Variants in BRINP1 observed in about 807,000 individuals in gnomAD.
BRINP1 encodes BMP/retinoic acid-inducible neural-specific protein 1.
In BRINP1, 17 loss-of-function variants were observed where a neutral mutation model predicts 72.9. The ratio of observed to expected loss-of-function variants is 0.23; its 90% CI spans 0.16 to 0.35. The LOEUF (loss-of-function observed/expected upper bound fraction) is 0.35. BRINP1 is among the 10% of genes least tolerant of loss of function. The probability of loss-of-function intolerance (pLI) is 1.00; values close to 1 mark genes in which losing one functional copy is unlikely to be tolerated. For synonymous variants in BRINP1, 418 were observed against 378.5 expected, an observed-to-expected ratio of 1.10 and a Z score of -1.21; for missense variants, 850 against 1,001.6, an observed-to-expected ratio of 0.85 and a Z score of 2.04.
intron 7 of BRINP1, among the ~76,000 whole-genome samples, chr9:119,194,594 G>T (rs1390567862): frequency 2.0e-5 from 3 of 152,190 alleles, no homozygotes; most frequent in Non-Finnish European, 2.9e-5. Flanking sequence ...AGTGTGAGAA[G>T]GACTCCATGC....
chr9:119,241,423 T>C (rs370466920), intron 4 of BRINP1, among the ~76,000 whole-genome samples: 4 of 152,272 alleles, frequency 2.6e-5, no homozygotes, highest in East Asian at 3.9e-4. Context: ...AACAGCAGGG[T>C]TGAGTAATAG....
intron 2 of BRINP1, among the ~76,000 whole-genome samples, chr9:119,286,215 G>C (rs1830759355): frequency 6.6e-6 from 1 of 151,222 alleles, no homozygotes; most frequent in African/African-American, 2.4e-5. Flanking sequence ...GGCATCGAGA[G>C]TGTTATCGCC....
At chr9:119,245,552 C>T (rs1220519122) in intron 3 of BRINP1, among the ~76,000 whole-genome samples, 3 of 152,304 alleles carry the variant, frequency 2.0e-5, no homozygotes, top group Non-Finnish European at 4.4e-5. Context: ...GGAGTATTCA[C>T]ATGATGTATT....
At chr9:119,211,701 CA>C (rs1406103105) in intron 6 of BRINP1, among the ~76,000 whole-genome samples, 2 of 152,116 alleles carry the variant, frequency 1.3e-5, no homozygotes, top group African/African-American at 4.8e-5. Flanking sequence ...AAAAATGGAC[CA>C]AAGGAAAACT....
chr9:119,203,723 T>C (rs1829826161), intron 7 of BRINP1, among the ~76,000 whole-genome samples: 1 of 152,206 alleles, frequency 6.6e-6, no homozygotes, highest in Non-Finnish European at 1.5e-5. Flanking sequence ...TCTTTACAAA[T>C]AGACAACTCT....
chr9:119,311,117 T>A (rs1165086585), intron 2 of BRINP1, among the ~76,000 whole-genome samples: 2 of 152,242 alleles, frequency 1.3e-5, no homozygotes, highest in Non-Finnish European at 2.9e-5. Context: ...GTTTAATTAC[T>A]GTCAGTCTCT....
intron 7 of BRINP1, among the ~76,000 whole-genome samples, chr9:119,200,659 A>C (rs2118862172): frequency 6.6e-6 from 1 of 151,668 alleles, no homozygotes. Flanking sequence ...AAGAAAGAAA[A>C]GAAAAAAGAT....
At chr9:119,234,498 A>C (rs2118902862) in intron 5 of BRINP1, among the ~76,000 whole-genome samples, 1 of 152,244 alleles carries the variant, frequency 6.6e-6, no homozygotes, top group South Asian at 2.1e-4. Context: ...AGAAGTTTTA[A>C]AAATATGTAT....
At chr9:119,276,363 A>G (rs1335593222) in intron 2 of BRINP1, among the ~76,000 whole-genome samples, 2 of 152,296 alleles carry the variant, frequency 1.3e-5, no homozygotes, top group African/African-American at 2.4e-5. Context: ...TTTCATATGT[A>G]TATGTGTATA....
At chr9:119,298,641 C>A (rs1037145957) in intron 2 of BRINP1, among the ~76,000 whole-genome samples, 12 of 152,132 alleles carry the variant, frequency 7.9e-5, no homozygotes, top group African/African-American at 2.7e-4. Context: ...TTGACCTATT[C>A]CATCTCAATG....
rs112486000 is a variant in BRINP1 at position 119,250,463 on chromosome 9, T to C, written c.219-1313A>G. On this transcript the variant is annotated intron_variant, in intron 2 of 7. Coordinates refer to ENST00000265922, the MANE Select transcript of BRINP1 (RefSeq NM_014618.3). ...ATGTGTTGTGATCTTGTCCCCTCTC[T>C]AGACCTACATTTCTTCATCTATAAA... is the stretch of plus-strand genomic sequence containing the variant. Among the ~76,000 whole-genome samples the C allele has an allele frequency of 2.3e-4, 35 of 152,350 alleles. 1 individual carries two copies. Among genetic ancestry groups the C allele is most frequent in the African/African-American group, 6.7e-4 (28 of 41,588 alleles).
At chr9:119,321,797 A>G (rs1227649196) in intron 1 of BRINP1, among the ~76,000 whole-genome samples, 1 of 152,206 alleles carries the variant, frequency 6.6e-6, no homozygotes, top group Non-Finnish European at 1.5e-5. Flanking sequence ...TATTGATTAC[A>G]TGTTGGAATA....
chr9:119,364,200 A>G (rs1924681), intron 1 of BRINP1, among the ~76,000 whole-genome samples: 96,892 of 151,898 alleles, frequency 0.64, 31,369 homozygotes, highest in East Asian at 1. Flanking sequence ...ATGTTTTCAT[A>G]ATATTCGAAG....
At chr9:119,286,479 C>A (rs1368823085) in intron 2 of BRINP1, among the ~76,000 whole-genome samples, 2 of 152,166 alleles carry the variant, frequency 1.3e-5, no homozygotes, top group Non-Finnish European at 2.9e-5. Flanking sequence ...TGCGATCCGC[C>A]CACCTCGGCC....
intron 1 of BRINP1, among the ~76,000 whole-genome samples, chr9:119,342,595 C>G (rs1464356374): frequency 6.6e-6 from 1 of 152,194 alleles, no homozygotes; most frequent in Non-Finnish European, 1.5e-5. Context: ...AAAATGGGAG[C>G]CTTCAAGCAT....
At chr9:119,291,122 CAAAAA>C (rs66505860) in intron 2 of BRINP1, among the ~76,000 whole-genome samples, 1 of 121,114 alleles carries the variant, frequency 8.3e-6, no homozygotes. Flanking sequence ...AACTCCATCT[CAAAAA>C]AAAAAAAAAA....
At chr9:119,334,587 T>A (rs984299514) in intron 1 of BRINP1, among the ~76,000 whole-genome samples, 17 of 152,168 alleles carry the variant, frequency 1.1e-4, no homozygotes, top group Non-Finnish European at 1.8e-4. Context: ...AATTCTAGCC[T>A]CCACTACTAC....
At chr9:119,276,114 A>G (rs929350418) in intron 2 of BRINP1, among the ~76,000 whole-genome samples, 8 of 152,256 alleles carry the variant, frequency 5.3e-5, no homozygotes, top group African/African-American at 1.7e-4. Flanking sequence ...GCAGCCAGAC[A>G]AAACATCTTT....
chr9:119,294,398 A>G (rs960214001), intron 2 of BRINP1, among the ~76,000 whole-genome samples: 2 of 151,962 alleles, frequency 1.3e-5, no homozygotes, highest in African/African-American at 4.8e-5. Context: ...GTGTTGGCAT[A>G]TGCCTATAAT....
Sources: allele counts gnomAD v4.1 joint callset (sites outside exome capture counted in the v4.1 genomes callset), GRCh38; gene constraint gnomAD v4.1.1; transcripts MANE v1.5; gene names NCBI Gene and HGNC (gene_info 2026-07-23, HGNC 2026-07-21).